SLC25A37: variants seen among roughly 807,000 people sequenced by gnomAD.
SLC25A37 encodes mitoferrin-1.
In SLC25A37, 17 loss-of-function variants were observed where a neutral mutation model predicts 31.0. The observed-to-expected ratio is 0.55, with a 90% CI of 0.38 to 0.82. SLC25A37 has a LOEUF of 0.82. Among genes scored for constraint, SLC25A37 ranks in the 40% least tolerant of loss-of-function variants. The pLI is 0.00. For missense variants in SLC25A37, 404 were observed against 465.8 expected (o/e 0.87, Z 1.22); for synonymous variants, 222 against 193.0 (o/e 1.15, Z -1.24).
chr8:23,574,906 G>A lies in SLC25A37; in HGVS notation c.*3051G>A, dbSNP rs1213128412. 6.5e-6 allele frequency: 1 copy of A among 152,846 alleles called. No individual in the cohort carries two copies. Among genetic ancestry groups the A allele is most frequent in the Non-Finnish European group, 1.5e-5 (1 of 68,234 alleles). 9.5% of individuals were successfully genotyped at this position (152,846 alleles called of 1,614,324 possible). A position where few individuals can be genotyped will look rare whatever the true frequency, so the allele number is the denominator to read the frequency against. ...GCACTCGTACTTTTACATGATGTGT[G>A]TGTGAGTAGCTCTTCTGTCCAAACC... is the stretch of plus-strand genomic sequence containing the variant. On this transcript the variant is annotated 3_prime_UTR_variant, in exon 4 of 4. Coordinates refer to ENST00000519973, the MANE Select transcript of SLC25A37 (RefSeq NM_016612.4).
chr8:23,541,594 T>C (rs1029740288), intron 1 of SLC25A37: 1 of 152,246 alleles, frequency 6.6e-6, no homozygotes, highest in African/African-American at 2.4e-5. Context: ...AAGCAGAACA[T>C]GGAGAGAGAG....
intron 1 of SLC25A37, among the ~76,000 whole-genome samples, chr8:23,534,825 A>G (rs1473332821): frequency 6.6e-6 from 1 of 152,046 alleles, no homozygotes. Flanking sequence ...AACAGTTGAT[A>G]CTCTCTGATG....
At chr8:23,570,705 T>C (rs1156919347) in intron 3 of SLC25A37, among the ~76,000 whole-genome samples, 4 of 152,226 alleles carry the variant, frequency 2.6e-5, no homozygotes, top group Non-Finnish European at 5.9e-5. Context: ...TATGTATTTA[T>C]TTGGCAATAC....
chr8:23,563,676 G>A (rs1802573424), intron 1 of SLC25A37, among the ~76,000 whole-genome samples: 1 of 152,194 alleles, frequency 6.6e-6, no homozygotes, highest in Non-Finnish European at 1.5e-5. Context: ...GTGCAGAGTA[G>A]CGAGTTTTTA....
intron 1 of SLC25A37, among the ~76,000 whole-genome samples, chr8:23,543,422 C>T (rs1801952126): frequency 6.6e-6 from 1 of 152,086 alleles, no homozygotes; most frequent in African/African-American, 2.4e-5. Flanking sequence ...TTTAGTGTAG[C>T]CTAAGTGTAC....
intron 1 of SLC25A37, among the ~76,000 whole-genome samples, chr8:23,559,976 T>C (rs1438151131): frequency 6.6e-6 from 1 of 152,200 alleles, no homozygotes; most frequent in Non-Finnish European, 1.5e-5. Context: ...GAATAGAAAA[T>C]GCCCAGCCTT....
intron 1 of SLC25A37, among the ~76,000 whole-genome samples, chr8:23,563,842 G>A (rs1456037011): frequency 6.6e-6 from 1 of 152,144 alleles, no homozygotes; most frequent in Non-Finnish European, 1.5e-5. Flanking sequence ...TTAGCTGGGC[G>A]TGGTGGAGGG....
At chr8:23,561,854 ACT>A (rs1438119314) in intron 1 of SLC25A37, among the ~76,000 whole-genome samples, 1 of 152,006 alleles carries the variant, frequency 6.6e-6, no homozygotes, top group Non-Finnish European at 1.5e-5. Context: ...TTCCCGGGTA[ACT>A]CTGATCTTCA....
intron 1 of SLC25A37, among the ~76,000 whole-genome samples, chr8:23,550,577 A>C (rs1480179696): frequency 1.3e-5 from 2 of 152,226 alleles, no homozygotes; most frequent in African/African-American, 2.4e-5. Flanking sequence ...GGGAGACGGC[A>C]TGGGTTTCTG....
intron 1 of SLC25A37, among the ~76,000 whole-genome samples, chr8:23,538,941 G>A (rs576997077): frequency 6.6e-6 from 1 of 152,178 alleles, no homozygotes; most frequent in South Asian, 2.1e-4. Flanking sequence ...TTTCTCCTGC[G>A]AGAGACAGTG....
Position 23,573,825 on chromosome 8 carries a change from C to A in SLC25A37, c.*1970C>A. The A allele has an allele frequency of 2.2e-6, 1 of 456,712 alleles. No individual in the cohort carries two copies. The highest frequency in any genetic ancestry group is 4.4e-6 in the Non-Finnish European group (1 of 226,964). 28.3% of individuals were successfully genotyped at this position (456,712 alleles called of 1,614,324 possible). A position where few individuals can be genotyped will look rare whatever the true frequency, so the allele number is the denominator to read the frequency against. On this transcript the variant is annotated 3_prime_UTR_variant, in exon 4 of 4. Transcript: ENST00000519973. ...AGTTAACGCCTTCTCCCTGCTCTGC[C>A]CCCCACTCCCCAAAACCAGTTGCAG...
intron 1 of SLC25A37, among the ~76,000 whole-genome samples, chr8:23,559,576 G>C (rs1283856617): frequency 7.2e-5 from 11 of 152,080 alleles, no homozygotes; most frequent in Non-Finnish European, 1.5e-4. Flanking sequence ...ACAACCATCA[G>C]TGTCATGCAT....
intron 1 of SLC25A37, chr8:23,541,411 G>C (rs1353193511): frequency 1.3e-5 from 2 of 152,426 alleles, no homozygotes; most frequent in African/African-American, 4.8e-5. Context: ...ATGACTGTGT[G>C]TGTTTGCAGA....
chr8:23,571,118 C>G (rs1289504917), intron 3 of SLC25A37, among the ~76,000 whole-genome samples: 2 of 152,188 alleles, frequency 1.3e-5, no homozygotes, highest in Non-Finnish European at 2.9e-5. Context: ...AGGCGTGAGT[C>G]CTGGAGATAA....
intron 1 of SLC25A37, among the ~76,000 whole-genome samples, chr8:23,546,560 A>ATATATATATATATATATATAGTG (rs1802060843): frequency 6.5e-5 from 5 of 77,182 alleles, no homozygotes; most frequent in African/African-American, 8.9e-5. Context: ...TATAGTGTAT[A>ATATATATATATATATATATAGTG]TATATATATA....
intron 1 of SLC25A37, among the ~76,000 whole-genome samples, chr8:23,559,344 T>C (rs1037350655): frequency 6.6e-6 from 1 of 151,730 alleles, no homozygotes; most frequent in Non-Finnish European, 1.5e-5. Flanking sequence ...CGGTTGTGTG[T>C]GTGTGTGTGC....
chr8:23,562,559 G>A (rs1802543914), intron 1 of SLC25A37, among the ~76,000 whole-genome samples: 1 of 152,128 alleles, frequency 6.6e-6, no homozygotes, highest in African/African-American at 2.4e-5. Context: ...CTGTGAACAA[G>A]ACAAACACAA....
At position 23,557,070 on chromosome 8, in the gene SLC25A37, C is replaced by T. The variant is rs553079231; in HGVS notation, c.211-9038C>T. ...TTTGCCATGTTGGCCAGGCTGGTCTCGAACCCCTGACCTCAGGTAATCTGC... is the reference window on the plus strand; with the variant it reads ...TTTGCCATGTTGGCCAGGCTGGTCTTGAACCCCTGACCTCAGGTAATCTGC... On this transcript the variant is annotated intron_variant, in intron 1 of 3. Transcript: ENST00000519973. 9.4e-4 allele frequency among the ~76,000 whole-genome samples: 143 copies of T among 152,092 alleles called. 1 individual carries two copies. The highest frequency in any genetic ancestry group is 3.5e-3 in the Admixed American group (54 of 15,290).
At chr8:23,542,416 T>G (rs991769368) in intron 1 of SLC25A37, among the ~76,000 whole-genome samples, 2 of 145,372 alleles carry the variant, frequency 1.4e-5, no homozygotes, top group African/African-American at 5.2e-5. Flanking sequence ...TTCACTCTTG[T>G]CCTGTAGGCT....
Sources: allele counts gnomAD v4.1 joint callset (sites outside exome capture counted in the v4.1 genomes callset), GRCh38; gene constraint gnomAD v4.1.1; transcripts MANE v1.5; gene names NCBI Gene and HGNC (gene_info 2026-07-23, HGNC 2026-07-21).